Variants in PRELID2 observed in about 807,000 individuals in gnomAD.
The protein encoded by PRELID2 is PRELI domain containing 2.
In PRELID2, 25 loss-of-function variants were observed where a neutral mutation model predicts 28.4. That is an observed-to-expected ratio of 0.88 (90% CI 0.64 to 1.23). The LOEUF is 1.23. Among genes scored for constraint, PRELID2 ranks in the 50% most tolerant of loss-of-function variants. The pLI is 0.00. For missense variants in PRELID2, 201 were observed against 214.4 expected, an observed-to-expected ratio of 0.94 and a Z score of 0.39; for synonymous variants, 76 against 71.6, an observed-to-expected ratio of 1.06 and a Z score of -0.31.
chr5:145,647,853 C>T (rs1388329845), intron 1 of PRELID2, among the ~76,000 whole-genome samples: 1 of 152,200 alleles, frequency 6.6e-6, no homozygotes, highest in Non-Finnish European at 1.5e-5. Context: ...TTGGCTTGCC[C>T]TCTGTGGGCT....
chr5:145,484,732 TA>T (rs1459313511), intron 1 of PRELID2, among the ~76,000 whole-genome samples: 1 of 152,174 alleles, frequency 6.6e-6, no homozygotes, highest in Non-Finnish European at 1.5e-5. Flanking sequence ...TAAATTAACT[TA>T]AAAGTTAAGA....
At chr5:145,499,264 G>A (rs1038588787) in intron 1 of PRELID2, among the ~76,000 whole-genome samples, 1 of 152,060 alleles carries the variant, frequency 6.6e-6, no homozygotes, top group South Asian at 2.1e-4. Context: ...TAAATTAAAT[G>A]TTAAAAGCAT....
At chr5:145,515,793 C>G (rs13177895) in intron 1 of PRELID2, among the ~76,000 whole-genome samples, 1 of 151,998 alleles carries the variant, frequency 6.6e-6, no homozygotes, top group African/African-American at 2.4e-5. Context: ...TTATCCACCA[C>G]GATCAAGTCG....
the PRELID2 span, among the ~76,000 whole-genome samples, chr5:145,278,781 A>G: frequency 6.6e-6 from 1 of 152,162 alleles, no homozygotes; most frequent in Non-Finnish European, 1.5e-5. Context: ...CCGTTGGGGT[A>G]TATTCTGGTT....
At chr5:145,428,873 C>T in the PRELID2 span, among the ~76,000 whole-genome samples, 16 of 152,090 alleles carry the variant, frequency 1.1e-4, no homozygotes, top group Non-Finnish European at 2.1e-4. Context: ...AAGTGAAGCC[C>T]CCAGGCAGGT....
the PRELID2 span, among the ~76,000 whole-genome samples, chr5:145,387,768 CA>C: frequency 2.0e-5 from 3 of 151,558 alleles, no homozygotes; most frequent in Non-Finnish European, 4.4e-5. Context: ...CCTGTCTGTA[CA>C]AAAAATACAA....
chr5:145,298,201 G>A, the PRELID2 span, among the ~76,000 whole-genome samples: 1 of 152,108 alleles, frequency 6.6e-6, no homozygotes, highest in Non-Finnish European at 1.5e-5. Flanking sequence ...GAGGCATCAT[G>A]CTACCTGACT....
the PRELID2 span, among the ~76,000 whole-genome samples, chr5:145,397,360 A>T: frequency 1.9e-3 from 282 of 152,284 alleles, 1 homozygote; most frequent in Non-Finnish European, 3.2e-3. Context: ...ACACGCCAAA[A>T]GAAATAGCAT....
chr5:145,635,714 CT>C (rs1753990648), intron 1 of PRELID2, among the ~76,000 whole-genome samples: 1 of 152,216 alleles, frequency 6.6e-6, no homozygotes, highest in African/African-American at 2.4e-5. Context: ...TGAAGCCTGG[CT>C]TTCCACAAGG....
chr5:145,642,060 T>G (rs548710039), intron 1 of PRELID2, among the ~76,000 whole-genome samples: 11 of 152,146 alleles, frequency 7.2e-5, no homozygotes, highest in Admixed American at 4.6e-4. Context: ...AAATGATATT[T>G]CTAGTTCTAG....
intron 4 of PRELID2, among the ~76,000 whole-genome samples, chr5:145,805,730 T>G (rs148992755): frequency 6.6e-6 from 1 of 152,186 alleles, no homozygotes; most frequent in South Asian, 2.1e-4. Flanking sequence ...GCAAACATCA[T>G]AGAGTGTACT....
intron 1 of PRELID2, among the ~76,000 whole-genome samples, chr5:145,515,896 A>T (rs1752511514): frequency 6.6e-6 from 1 of 152,184 alleles, no homozygotes; most frequent in Non-Finnish European, 1.5e-5. Context: ...AAACCACATG[A>T]TTATCTCAAT....
intron 1 of PRELID2, among the ~76,000 whole-genome samples, chr5:145,651,496 G>T (rs1200152866): frequency 6.6e-6 from 1 of 152,210 alleles, no homozygotes; most frequent in Admixed American, 6.5e-5. Flanking sequence ...GCATAACTGG[G>T]AGGCACCCCC....
the PRELID2 span, among the ~76,000 whole-genome samples, chr5:145,318,979 G>A: frequency 5.3e-5 from 8 of 152,064 alleles, no homozygotes; most frequent in Non-Finnish European, 8.8e-5. Context: ...GGAGTTTGGC[G>A]GTCCCACAGC....
chr5:145,770,611 T>C (rs1758042272), intron 5 of PRELID2, among the ~76,000 whole-genome samples: 1 of 152,192 alleles, frequency 6.6e-6, no homozygotes, highest in Admixed American at 6.5e-5. Context: ...TTACTGCCCC[T>C]GAAGACTTTC....
At chr5:145,286,858 T>C in the PRELID2 span, among the ~76,000 whole-genome samples, 331 of 152,114 alleles carry the variant, frequency 2.2e-3, 2 homozygotes, top group African/African-American at 7.7e-3. Flanking sequence ...TACAGGCATG[T>C]GCCACAGCAC....
the PRELID2 span, among the ~76,000 whole-genome samples, chr5:145,294,881 T>A: frequency 6.6e-6 from 1 of 152,168 alleles, no homozygotes; most frequent in African/African-American, 2.4e-5. Context: ...AATTTCCAGA[T>A]GAATGAATTT....
chr5:145,398,104 C>T, the PRELID2 span, among the ~76,000 whole-genome samples: 3 of 152,222 alleles, frequency 2.0e-5, no homozygotes, highest in East Asian at 5.8e-4. Context: ...CAGAATCAGG[C>T]AAGCTTCAAC....
At chr5:145,824,425 C>CAT (rs3220853) in intron 1 of PRELID2, among the ~76,000 whole-genome samples, 3 of 96,256 alleles carry the variant, frequency 3.1e-5, no homozygotes, top group Admixed American at 1.1e-4. Flanking sequence ...CCACAGCAGG[C>CAT]GTGTGTGTGT....
Sources: gnomAD v4.1 joint callset for allele counts (sites outside exome capture counted in the v4.1 genomes callset) on GRCh38, gnomAD v4.1.1 for gene constraint, MANE v1.5 for transcripts, NCBI Gene and HGNC (gene_info 2026-07-23, HGNC 2026-07-21) for gene names.